AKAP13: variants seen among roughly 807,000 people sequenced by gnomAD.
AKAP13 encodes the protein A-kinase anchoring protein 13.
A neutral mutation model predicts 264.5 loss-of-function variants in AKAP13; 80 were observed. The observed-to-expected ratio is 0.30, with a 90% CI of 0.25 to 0.36. The LOEUF is 0.36. Among genes scored for constraint, AKAP13 ranks in the 10% least tolerant of loss-of-function variants. AKAP13 has a pLI of 1.00. For missense variants in AKAP13, 3,712 were observed against 3,435.2 expected (o/e 1.08, Z -2.01); for synonymous variants, 1,380 against 1,250.2 (o/e 1.10, Z -2.19).
At chr15:85,396,017 T>TAC (rs1287810319) in intron 1 of AKAP13, among the ~76,000 whole-genome samples, 2 of 76,942 alleles carry the variant, frequency 2.6e-5, no homozygotes, top group Non-Finnish European at 6.5e-5. Context: ...TGACTATACA[T>TAC]ACATACACAC....
At chr15:85,604,147 C>T (rs2080212823) in intron 8 of AKAP13, among the ~76,000 whole-genome samples, 1 of 152,130 alleles carries the variant, frequency 6.6e-6, no homozygotes, top group East Asian at 1.9e-4. Context: ...GTATTTACTT[C>T]ATTTATTATT....
chr15:85,595,607 G>A (rs1290285183), intron 8 of AKAP13, among the ~76,000 whole-genome samples: 1 of 152,208 alleles, frequency 6.6e-6, no homozygotes, highest in Non-Finnish European at 1.5e-5. Context: ...ACGTAATGGT[G>A]TTTCCTTGGT....
At chr15:85,471,102 A>G (rs1411599320) in intron 1 of AKAP13, among the ~76,000 whole-genome samples, 2 of 152,218 alleles carry the variant, frequency 1.3e-5, no homozygotes, top group Non-Finnish European at 2.9e-5. Context: ...AGGCTCAGCC[A>G]TGGAATAGTG....
rs569697752 is a variant in AKAP13 at position 85,509,707 on chromosome 15, T to A, written c.34-11721T>A. Among the ~76,000 whole-genome samples the A allele has an allele frequency of 2.0e-5, 3 of 152,326 alleles. No homozygotes were observed. In the East Asian group the frequency reaches 5.8e-4, roughly 29 times the overall value. On this transcript the variant is annotated intron_variant, in intron 2 of 36. Transcript: ENST00000394518. Reference sequence around the variant, plus strand: ...TATTCTCCTTTTGAATGAATTCCGATGTAAGGAAGGCCAAGGGATAGCACT... The same window carrying A: ...TATTCTCCTTTTGAATGAATTCCGAAGTAAGGAAGGCCAAGGGATAGCACT...
intron 19 of AKAP13, among the ~76,000 whole-genome samples, chr15:85,711,193 T>G (rs977650104): frequency 3.3e-5 from 5 of 152,162 alleles, no homozygotes; most frequent in African/African-American, 4.8e-5. Flanking sequence ...AACTTCTTTC[T>G]AAACTGAGAA....
chr15:85,684,718 T>A, intron 15 of AKAP13, 23 bp from the exon 16 acceptor site: 1 of 1,596,454 alleles, frequency 6.3e-7, no homozygotes, highest in Middle Eastern at 1.7e-4. Flanking sequence ...TTAAAAAAAA[T>A]CAATCTTCTT....
At chr15:85,530,883 T>G (rs913744615) in intron 3 of AKAP13, among the ~76,000 whole-genome samples, 9 of 152,276 alleles carry the variant, frequency 5.9e-5, no homozygotes, top group African/African-American at 2.2e-4. Context: ...TTCTAGATTT[T>G]ATTTATTTAT....
rs11407996 is a variant in AKAP13 at position 85,736,912 on chromosome 15, CTT to C, written c.7557+799_7557+800del. 3.9e-3 allele frequency among the ~76,000 whole-genome samples: 386 copies of C among 98,038 alleles called. 1 individual carries two copies. Among genetic ancestry groups the C allele is most frequent in the Middle Eastern group, 8.3e-3 (1 of 120 alleles). 64.3% of individuals were successfully genotyped at this position (98,038 alleles called of 152,430 possible). ...TCAAGTACTCAAGTTATATCATCAT[CTT>C]TTTTTTTTTTTTTTTTTTTTCTGGG... On this transcript the variant is annotated intron_variant, in intron 33 of 36. Transcript: ENST00000394518.
intron 10 of AKAP13, among the ~76,000 whole-genome samples, chr15:85,646,261 G>T (rs1016773810): frequency 5.9e-5 from 9 of 152,112 alleles, no homozygotes; most frequent in Non-Finnish European, 1.3e-4. Flanking sequence ...GACCCCTTGA[G>T]GTCAGGAGTT....
At chr15:85,744,151 GCT>G (rs2089272243) in intron 36 of AKAP13, 18 of 341,194 alleles carry the variant, frequency 5.3e-5, no homozygotes, top group Non-Finnish European at 8.1e-5. Flanking sequence ...ATTGGTAACA[GCT>G]AGCATTTGGT....
intron 26 of AKAP13, among the ~76,000 whole-genome samples, chr15:85,725,542 T>C (rs577095168): frequency 2.0e-5 from 3 of 152,310 alleles, no homozygotes; most frequent in African/African-American, 7.2e-5. Context: ...GTTTTCTTCA[T>C]AGCTTTGCAG....
At chr15:85,569,725 C>T (rs1050804023) in intron 5 of AKAP13, among the ~76,000 whole-genome samples, 2 of 152,012 alleles carry the variant, frequency 1.3e-5, no homozygotes, top group Non-Finnish European at 2.9e-5. Flanking sequence ...TGTGAGCCAC[C>T]ATGCCCAGCC....
intron 5 of AKAP13, among the ~76,000 whole-genome samples, chr15:85,572,659 T>TA (rs553677506): frequency 1.7e-4 from 25 of 150,970 alleles, no homozygotes; most frequent in Non-Finnish European, 2.8e-4. Context: ...ACTGTAGCAT[T>TA]AAAAAAAAAA....
intron 1 of AKAP13, among the ~76,000 whole-genome samples, chr15:85,454,395 C>T (rs997595564): frequency 6.6e-6 from 1 of 152,154 alleles, no homozygotes; most frequent in Non-Finnish European, 1.5e-5. Context: ...ATCGCTCATT[C>T]ACTCACTGCT....
At chr15:85,525,896 A>G (rs2077022845) in intron 3 of AKAP13, among the ~76,000 whole-genome samples, 1 of 152,214 alleles carries the variant, frequency 6.6e-6, no homozygotes, top group South Asian at 2.1e-4. Flanking sequence ...ATAGTGGAAG[A>G]TGGAACAGGA....
intron 1 of AKAP13, among the ~76,000 whole-genome samples, chr15:85,382,479 G>T (rs943945964): frequency 1.3e-5 from 2 of 152,174 alleles, no homozygotes; most frequent in East Asian, 1.9e-4. Flanking sequence ...TGGTTGTGTG[G>T]TTTTGTGTGT....
chr15:85,585,862 G>A, intron 8 of AKAP13, 39 bp downstream of exon 8: 2 of 1,605,662 alleles, frequency 1.2e-6, no homozygotes, highest in Non-Finnish European at 1.7e-6. Context: ...CACAAAATGT[G>A]TTTATCCTGT....
chr15:85,543,705 T>G, intron 4 of AKAP13, 67 bp from the exon 5 acceptor site: 1 of 1,488,406 alleles, frequency 6.7e-7, no homozygotes, highest in Non-Finnish European at 9.1e-7. Flanking sequence ...ATAACTTGTC[T>G]TTATGTTTGT....
At chr15:85,740,776 C>CCA (rs2088912738) in intron 34 of AKAP13, among the ~76,000 whole-genome samples, 2 of 16,024 alleles carry the variant, frequency 1.2e-4, no homozygotes, top group Admixed American at 7.4e-4. Context: ...CACACAACCA[C>CCA]CCCCCCCCCC....
Sources: gnomAD v4.1 joint callset for allele counts (sites outside exome capture counted in the v4.1 genomes callset) on GRCh38, gnomAD v4.1.1 for gene constraint, MANE v1.5 for transcripts, NCBI Gene and HGNC (gene_info 2026-07-23, HGNC 2026-07-21) for gene names.